The following ELOVL5 variants were observed in gnomAD, a reference collection of about 807,000 sequenced individuals.
ELOVL5 encodes the protein very long chain fatty acid elongase 5.
Under a neutral mutation model 38.6 loss-of-function variants are expected in ELOVL5, and 8 were observed. The ratio of observed to expected loss-of-function variants is 0.21; its 90% CI spans 0.12 to 0.37. The LOEUF (loss-of-function observed/expected upper bound fraction) is 0.37. Among genes scored for constraint, ELOVL5 ranks in the 10% least tolerant of loss-of-function variants. The probability of loss-of-function intolerance (pLI) is 1.00; values close to 1 mark genes in which losing one functional copy is unlikely to be tolerated. For missense variants in ELOVL5, 280 were observed against 367.8 expected, an observed-to-expected ratio of 0.76 and a Z score of 1.95; for synonymous variants, 127 against 133.7, an observed-to-expected ratio of 0.95 and a Z score of 0.34.
chr6:53,330,206 G>A (rs1194471409), intron 1 of ELOVL5, among the ~76,000 whole-genome samples: 2 of 151,478 alleles, frequency 1.3e-5, no homozygotes, highest in Non-Finnish European at 2.9e-5. Flanking sequence ...ACTGAATACT[G>A]TAGGTAACCA....
At chr6:53,327,984 T>A (rs1026539506) in intron 1 of ELOVL5, among the ~76,000 whole-genome samples, 37 of 152,134 alleles carry the variant, frequency 2.4e-4, no homozygotes, top group Non-Finnish European at 5.0e-4. Context: ...CAATTATCAA[T>A]AGCCTCCACT....
intron 1 of ELOVL5, among the ~76,000 whole-genome samples, chr6:53,341,035 T>C (rs890346631): frequency 6.6e-6 from 1 of 152,194 alleles, no homozygotes; most frequent in Non-Finnish European, 1.5e-5. Context: ...CCAGCCACAC[T>C]AGACCAGTCA....
chr6:53,307,273 T>C (rs1326293050), intron 1 of ELOVL5, among the ~76,000 whole-genome samples: 1 of 152,200 alleles, frequency 6.6e-6, no homozygotes, highest in Non-Finnish European at 1.5e-5. Context: ...GTTAGGAACA[T>C]ACACTTTGGA....
At chr6:53,281,914 G>A (rs1192167528) in intron 3 of ELOVL5, among the ~76,000 whole-genome samples, 2 of 151,498 alleles carry the variant, frequency 1.3e-5, no homozygotes, top group African/African-American at 4.9e-5. Context: ...GACAGGTTCT[G>A]TACACTTGAG....
At chr6:53,314,576 T>C (rs1767959675) in intron 1 of ELOVL5, among the ~76,000 whole-genome samples, 1 of 152,244 alleles carries the variant, frequency 6.6e-6, no homozygotes, top group Non-Finnish European at 1.5e-5. Context: ...TAAGGCACTA[T>C]GGCAAGTGGT....
At chr6:53,323,686 G>A (rs947828633) in intron 1 of ELOVL5, among the ~76,000 whole-genome samples, 10 of 146,858 alleles carry the variant, frequency 6.8e-5, no homozygotes, top group Admixed American at 1.4e-4. Context: ...GAGTTCAAGC[G>A]ATTCTCCTGC....
At chr6:53,284,376 G>A (rs993739420) in intron 3 of ELOVL5, among the ~76,000 whole-genome samples, 4 of 151,820 alleles carry the variant, frequency 2.6e-5, no homozygotes, top group Non-Finnish European at 4.4e-5. Flanking sequence ...GTCACAGCTA[G>A]AATCCTCTAA....
chr6:53,342,956 CA>C (rs1457370724), intron 1 of ELOVL5, among the ~76,000 whole-genome samples: 2 of 152,158 alleles, frequency 1.3e-5, no homozygotes, highest in African/African-American at 4.8e-5. Context: ...TGAATGCCTA[CA>C]AGTCCACTAA....
At chr6:53,295,744 T>C (rs1766968409) in intron 1 of ELOVL5, 37 bp from the exon 2 acceptor site, 1 of 1,293,598 alleles carries the variant, frequency 7.7e-7, no homozygotes, top group Non-Finnish European at 1.1e-6. Flanking sequence ...TAATCTCTAC[T>C]CAAAATGTTT....
intron 1 of ELOVL5, among the ~76,000 whole-genome samples, chr6:53,323,712 A>G (rs1368228676): frequency 6.6e-6 from 1 of 150,430 alleles, no homozygotes; most frequent in Non-Finnish European, 1.5e-5. Context: ...CCTCCCGAGT[A>G]GCTGGGATTA....
At chr6:53,328,383 G>C (rs1452666604) in intron 1 of ELOVL5, among the ~76,000 whole-genome samples, 1 of 152,088 alleles carries the variant, frequency 6.6e-6, no homozygotes, top group Non-Finnish European at 1.5e-5. Context: ...AGGTATCAAA[G>C]AATCTGAGGT....
intron 1 of ELOVL5, among the ~76,000 whole-genome samples, chr6:53,331,428 C>T (rs1000828125): frequency 6.6e-5 from 10 of 152,136 alleles, no homozygotes; most frequent in African/African-American, 1.4e-4. Context: ...GTATATGGTA[C>T]GTAATTGTAT....
chr6:53,323,257 G>T (rs1023223570), intron 1 of ELOVL5, among the ~76,000 whole-genome samples: 2 of 152,308 alleles, frequency 1.3e-5, no homozygotes, highest in Non-Finnish European at 2.9e-5. Context: ...GTGAGGAACA[G>T]TTTATGTCCA....
At chr6:53,320,406 GGCTCACTGCAA>G (rs1388068619) in intron 1 of ELOVL5, among the ~76,000 whole-genome samples, 1 of 151,550 alleles carries the variant, frequency 6.6e-6, no homozygotes, top group Non-Finnish European at 1.5e-5. Flanking sequence ...GCGCGATCTC[GGCTCACTGCAA>G]GCTCCTCCCC....
intron 1 of ELOVL5, among the ~76,000 whole-genome samples, chr6:53,314,117 A>T (rs1767945115): frequency 6.6e-6 from 1 of 152,254 alleles, no homozygotes; most frequent in Non-Finnish European, 1.5e-5. Context: ...TAATCACTAA[A>T]GGTGAAATAT....
intron 7 of ELOVL5, among the ~76,000 whole-genome samples, chr6:53,270,349 GCA>G (rs1038465433): frequency 2.0e-5 from 3 of 152,196 alleles, no homozygotes; most frequent in African/African-American, 4.8e-5. Context: ...GGGTCCTGCT[GCA>G]CAGTTTTCCA....
chr6:53,279,294 C>G (rs1303799550), intron 3 of ELOVL5, among the ~76,000 whole-genome samples: 1 of 152,144 alleles, frequency 6.6e-6, no homozygotes, highest in African/African-American at 2.4e-5. Context: ...CCTATGTACC[C>G]CCATCTCCAG....
chr6:53,277,953 A>C (rs1055193843), intron 3 of ELOVL5, among the ~76,000 whole-genome samples: 1 of 152,220 alleles, frequency 6.6e-6, no homozygotes, highest in Non-Finnish European at 1.5e-5. Flanking sequence ...TTCTTGATGA[A>C]ATGTTTGTGG....
At chr6:53,323,811 G>A (rs995565977) in intron 1 of ELOVL5, among the ~76,000 whole-genome samples, 1 of 151,998 alleles carries the variant, frequency 6.6e-6, no homozygotes, top group African/African-American at 2.4e-5. Flanking sequence ...TCGAACTCCC[G>A]ACCATCTGAC....
Sources: allele counts gnomAD v4.1 joint callset (sites outside exome capture counted in the v4.1 genomes callset), GRCh38; gene constraint gnomAD v4.1.1; transcripts MANE v1.5; gene names NCBI Gene and HGNC (gene_info 2026-07-23, HGNC 2026-07-21).